PBX1: variants seen among roughly 807,000 people sequenced by gnomAD.
The protein encoded by PBX1 is PBX homeobox 1, also known as pre-B-cell leukemia transcription factor 1.
In PBX1, 6 loss-of-function variants were observed where a neutral mutation model predicts 53.4. That is an observed-to-expected ratio of 0.11 (90% CI 0.06 to 0.22). The LOEUF (loss-of-function observed/expected upper bound fraction) is 0.22, where lower values mean the gene tolerates loss of function less well. Among genes scored for constraint, PBX1 ranks in the 10% least tolerant of loss-of-function variants. The pLI, the probability that PBX1 is intolerant of heterozygous loss-of-function variation, is 1.00. For synonymous variants in PBX1, 204 were observed against 212.3 expected (o/e 0.96, Z 0.34); for missense variants, 251 against 551.4 (o/e 0.46, Z 5.46).
At chr1:164,765,170 A>G (rs1304196713) in intron 2 of PBX1, among the ~76,000 whole-genome samples, 1 of 152,222 alleles carries the variant, frequency 6.6e-6, no homozygotes. Flanking sequence ...GTCTTGACAA[A>G]AAAGAGCAAG....
chr1:164,776,387 G>GAAGGC (rs1431177259), intron 2 of PBX1, among the ~76,000 whole-genome samples: 4 of 152,188 alleles, frequency 2.6e-5, no homozygotes, highest in African/African-American at 7.2e-5. Flanking sequence ...TGTGGCATGT[G>GAAGGC]ATTTAGAAGG....
At chr1:164,711,114 G>A (rs996368809) in intron 2 of PBX1, among the ~76,000 whole-genome samples, 1 of 152,018 alleles carries the variant, frequency 6.6e-6, no homozygotes, top group African/African-American at 2.4e-5. Context: ...TAACATTTGA[G>A]GGGGGAAAAT....
intron 8 of PBX1, among the ~76,000 whole-genome samples, chr1:164,823,134 T>C (rs1343449730): frequency 6.6e-6 from 1 of 152,192 alleles, no homozygotes; most frequent in Non-Finnish European, 1.5e-5. Flanking sequence ...TTAAACATAT[T>C]CTAGACAATC....
At chr1:164,774,982 C>T (rs1282511913) in intron 2 of PBX1, among the ~76,000 whole-genome samples, 1 of 152,180 alleles carries the variant, frequency 6.6e-6, no homozygotes, top group Non-Finnish European at 1.5e-5. Flanking sequence ...AAGCTGATTA[C>T]TGTCTGGTGT....
chr1:164,651,515 C>G (rs1452548191), intron 2 of PBX1, among the ~76,000 whole-genome samples: 1 of 152,122 alleles, frequency 6.6e-6, no homozygotes, highest in East Asian at 1.9e-4. Context: ...TGCTCCCCAC[C>G]TCGTTACCAA....
intron 2 of PBX1, among the ~76,000 whole-genome samples, chr1:164,788,747 C>T (rs148407214): frequency 0.021 from 2,512 of 122,410 alleles, 37 homozygotes; most frequent in Middle Eastern, 0.076. Flanking sequence ...TTCTACCCGC[C>T]GCCCTCCCCC....
At chr1:164,713,663 C>T (rs1272027179) in intron 2 of PBX1, among the ~76,000 whole-genome samples, 2 of 152,064 alleles carry the variant, frequency 1.3e-5, no homozygotes, top group South Asian at 2.1e-4. Context: ...GAAAGGAACC[C>T]GTGCATGGGG....
At chr1:164,660,381 C>T (rs1416869399) in intron 2 of PBX1, among the ~76,000 whole-genome samples, 1 of 152,196 alleles carries the variant, frequency 6.6e-6, no homozygotes, top group African/African-American at 2.4e-5. Flanking sequence ...GGAGCTGAGG[C>T]GTCTCAGCTG....
chr1:164,560,390 A>G (rs538679611), intron 1 of PBX1: 2 of 395,346 alleles, frequency 5.1e-6, no homozygotes, highest in South Asian at 2.9e-4. Flanking sequence ...TTTGAACAGC[A>G]TTCCATGCCT....
chr1:164,856,441 GT>G (rs755179805), downstream of PBX1, among the ~76,000 whole-genome samples: 2 of 152,020 alleles, frequency 1.3e-5, no homozygotes, highest in African/African-American at 2.4e-5. Context: ...ACAGACATTT[GT>G]TTTCCTAACA....
chr1:164,860,794 C>T (rs148606157), intron 2 of PBX1, among the ~76,000 whole-genome samples: 3 of 152,186 alleles, frequency 2.0e-5, no homozygotes, highest in South Asian at 4.2e-4. Flanking sequence ...TTCAAGGATC[C>T]GATCTCCCTC....
intron 2 of PBX1, among the ~76,000 whole-genome samples, chr1:164,760,573 A>G (rs1213404640): frequency 1.3e-5 from 2 of 152,112 alleles, no homozygotes; most frequent in Non-Finnish European, 2.9e-5. Context: ...AACAACAACA[A>G]TAAAAAACAA....
intron 1 of PBX1, 110 bp downstream of exon 1, chr1:164,560,123 A>G (rs1426097204): frequency 6.1e-6 from 5 of 819,758 alleles, no homozygotes; most frequent in Admixed American, 7.5e-5. Flanking sequence ...GAAAAATGTT[A>G]TTTCTTTTCT....
intron 2 of PBX1, among the ~76,000 whole-genome samples, chr1:164,788,507 G>T (rs779673632): frequency 3.3e-5 from 5 of 151,874 alleles, no homozygotes; most frequent in Middle Eastern, 3.2e-3. Flanking sequence ...AGCATGCAAG[G>T]TTGTTTATTG....
intron 2 of PBX1, among the ~76,000 whole-genome samples, chr1:164,709,738 C>A (rs1370662011): frequency 1.3e-5 from 2 of 152,208 alleles, no homozygotes; most frequent in African/African-American, 4.8e-5. Flanking sequence ...CAAAAATGTG[C>A]CTCAGGCTCC....
At chr1:164,629,951 T>G (rs1658304181) in intron 2 of PBX1, among the ~76,000 whole-genome samples, 1 of 152,228 alleles carries the variant, frequency 6.6e-6, no homozygotes, top group Admixed American at 6.5e-5. Context: ...TTTTGACTGT[T>G]TCTCTTTTGA....
In PBX1 at chr1:164,559,828, C is replaced by G. The variant is rs1652895862; in HGVS notation, c.6C>G (p.Asp2Glu). The G allele has an allele frequency of 6.5e-7, 1 of 1,545,344 alleles. No individual in the cohort carries two copies. Among genetic ancestry groups the G allele is most frequent in the Non-Finnish European group, 8.7e-7 (1 of 1,144,538 alleles). The change falls in exon 1 of 9, where the codon GAC (aspartate) becomes GAG (glutamate). Residue 2 changes from aspartate to glutamate, a missense_variant. Physicochemically the swap from Asp to Glu is conservative, Grantham distance 45. Transcript: ENST00000420696. ...GGCTGCCGTAGCCTTTGGAGATGGA[C>G]GAGCAGCCCAGGCTGATGCATTCCC... is the stretch of plus-strand genomic sequence containing the variant. Reference protein sequence around the residue: MDEQPRLMHSHA... With the variant: MEEQPRLMHSHA...
rs143302572 is a variant in PBX1, at chr1:164,573,776, G to A, written c.265+10465G>A. Among the ~76,000 whole-genome samples, 381 of 152,230 alleles carry A rather than the reference G, an allele frequency of 2.5e-3. 12 individuals are homozygous for A. Among genetic ancestry groups the A allele is most frequent in the Non-Finnish European group, 3.1e-4 (21 of 68,014 alleles). ...GTTGGGATTACAGGCGTGAGCCACC[G>A]TGCCCAGCATTTATAGCATATCTTG... is the stretch of plus-strand genomic sequence containing the variant. On this transcript the variant is annotated intron_variant, in intron 2 of 8. Coordinates refer to ENST00000420696, the MANE Select transcript of PBX1 (RefSeq NM_002585.4).
chr1:164,679,448 G>A (rs536662515), intron 2 of PBX1, among the ~76,000 whole-genome samples: 14 of 152,284 alleles, frequency 9.2e-5, no homozygotes, highest in African/African-American at 2.9e-4. Context: ...TTATGATGCA[G>A]TGGAAAGGCT....
Sources: gnomAD v4.1 joint callset for allele counts (sites outside exome capture counted in the v4.1 genomes callset) on GRCh38, gnomAD v4.1.1 for gene constraint, MANE v1.5 for transcripts, NCBI Gene and HGNC (gene_info 2026-07-23, HGNC 2026-07-21) for gene names.